Variants in LHFPL3 observed in about 807,000 individuals in gnomAD.
The protein encoded by LHFPL3 is LHFPL tetraspan subfamily member 3 protein.
Under a neutral mutation model 19.3 loss-of-function variants are expected in LHFPL3, and 5 were observed. The observed-to-expected ratio is 0.26, with a 90% CI of 0.14 to 0.54. The LOEUF (loss-of-function observed/expected upper bound fraction) is 0.54. Among genes scored for constraint, LHFPL3 ranks in the 20% least tolerant of loss-of-function variants. LHFPL3 has a pLI of 0.94. For missense variants in LHFPL3, 249 were observed against 307.4 expected (o/e 0.81, Z 1.42); for synonymous variants, 133 against 126.2 (o/e 1.05, Z -0.36).
At chr7:104,668,128 C>T (rs1362139099) in intron 1 of LHFPL3, 2 of 1,613,874 alleles carry the variant, frequency 1.2e-6, no homozygotes, top group African/African-American at 2.7e-5. Context: ...GTGCGTTTAC[C>T]ACGTGAACCC....
rs6957023 is a variant in LHFPL3, at chr7:104,578,595, T to G, written c.446-158080T>G. On this transcript the variant is annotated intron_variant, in intron 1 of 2. Transcript: ENST00000424859. ...TATTTTATATTGGGATCTCCTGTGT[T>G]GTACTCTTGACCTTGCTTCAGCTTT... 4.7e-3 allele frequency among the ~76,000 whole-genome samples: 719 copies of G among 152,346 alleles called. 5 individuals carry two copies. Among genetic ancestry groups the G allele is most frequent in the African/African-American group, 0.017 (690 of 41,574 alleles).
chr7:104,861,183 G>A (rs1362761470), intron 2 of LHFPL3, among the ~76,000 whole-genome samples: 1 of 152,150 alleles, frequency 6.6e-6, no homozygotes, highest in Non-Finnish European at 1.5e-5. Flanking sequence ...GTGGGGAAAA[G>A]GAGAAGAAAG....
In LHFPL3 at chr7:104,624,620, G is replaced by C. The variant is rs74493199; in HGVS notation, c.446-112055G>C. Among the ~76,000 whole-genome samples, 612 of 152,348 alleles carry C rather than the reference G, an allele frequency of 4.0e-3. 35 individuals are homozygous for C. In the East Asian group the frequency reaches 0.099, roughly 25 times the overall value. On this transcript the variant is annotated intron_variant, in intron 1 of 2. Transcript: ENST00000424859. ...TTCTTAGATATAGCTCATGGGTAAG[G>C]AGGGTAATTATTTTGAACTATTATT...
At chr7:104,471,423 G>A (rs965320856) in intron 1 of LHFPL3, among the ~76,000 whole-genome samples, 1 of 152,166 alleles carries the variant, frequency 6.6e-6, no homozygotes, top group African/African-American at 2.4e-5. Flanking sequence ...GCTAACTATA[G>A]TTCTCATATA....
chr7:104,504,235 T>C (rs1005341464), intron 1 of LHFPL3, among the ~76,000 whole-genome samples: 13 of 152,232 alleles, frequency 8.5e-5, no homozygotes, highest in South Asian at 2.1e-4. Context: ...CAAACTACAA[T>C]GGAAGGAGTT....
chr7:104,406,102 A>G (rs2116502435), intron 1 of LHFPL3, among the ~76,000 whole-genome samples: 1 of 152,210 alleles, frequency 6.6e-6, no homozygotes, highest in East Asian at 1.9e-4. Flanking sequence ...CTGTCAAATC[A>G]TAGTCGCTTC....
chr7:104,485,498 AC>A (rs138226201), intron 1 of LHFPL3, among the ~76,000 whole-genome samples: 13,624 of 152,162 alleles, frequency 0.09, 721 homozygotes, highest in Middle Eastern at 0.16. Context: ...TACTTTGTGC[AC>A]CTTTTATCAT....
intron 1 of LHFPL3, among the ~76,000 whole-genome samples, chr7:104,385,321 C>G (rs1005189937): frequency 6.6e-6 from 1 of 152,180 alleles, no homozygotes; most frequent in Admixed American, 6.5e-5. Context: ...ATGCACTAGT[C>G]TTGGCAATAC....
chr7:104,677,643 G>A (rs1041533940), intron 1 of LHFPL3, among the ~76,000 whole-genome samples: 1 of 152,154 alleles, frequency 6.6e-6, no homozygotes, highest in Non-Finnish European at 1.5e-5. Context: ...AACATTCTAG[G>A]GCAGTCCTGT....
chr7:104,372,390 G>A (rs192738363), intron 1 of LHFPL3, among the ~76,000 whole-genome samples: 1 of 152,248 alleles, frequency 6.6e-6, no homozygotes, highest in East Asian at 1.9e-4. Context: ...TATTAGTATG[G>A]TTCTTGATTG....
intron 1 of LHFPL3, among the ~76,000 whole-genome samples, chr7:104,361,633 A>G (rs1166669283): frequency 6.6e-6 from 1 of 152,234 alleles, no homozygotes; most frequent in Non-Finnish European, 1.5e-5. Context: ...CTACATAAAT[A>G]TAAGACATTA....
chr7:104,618,910 T>C (rs1369237081), intron 1 of LHFPL3, among the ~76,000 whole-genome samples: 3 of 152,224 alleles, frequency 2.0e-5, no homozygotes. Flanking sequence ...CCCTCTGCAC[T>C]AATGGAATGG....
At chr7:104,881,169 CAA>C (rs60361178) in intron 2 of LHFPL3, among the ~76,000 whole-genome samples, 169 of 91,482 alleles carry the variant, frequency 1.8e-3, no homozygotes, top group African/African-American at 2.1e-3. Context: ...GATTCCATCT[CAA>C]AAAAAAAAAA....
rs1562950473 is a variant in LHFPL3, at chr7:104,614,684, T to TTCCTTCCTTCCTTCCTTCC, written c.446-121990_446-121989insCCTTCCTTCCTTCCTTCCT. ...CCTTCCTTCCTTCCTTCCTTCCTTC[T>TTCCTTCCTTCCTTCCTTCC]TTCTTTCTTTCTTTCTTTCTTTCTT... On this transcript the variant is annotated intron_variant, in intron 1 of 2. Transcript: ENST00000424859. 2.4e-3 allele frequency among the ~76,000 whole-genome samples: 100 copies of TTCCTTCCTTCCTTCCTTCC among 41,902 alleles called. 1 individual carries two copies. The highest frequency in any genetic ancestry group is 6.2e-3 in the African/African-American group (67 of 10,798). The allele number at this position is 41,902 out of a possible 152,430, so 27.5% of individuals were successfully genotyped here.
At chr7:104,894,196 A>G (rs569902374) in intron 2 of LHFPL3, among the ~76,000 whole-genome samples, 4 of 152,346 alleles carry the variant, frequency 2.6e-5, no homozygotes, top group African/African-American at 9.6e-5. Flanking sequence ...AGTCCTAATC[A>G]GTGAGTTACT....
At chr7:104,803,246 G>T (rs1790289322) in intron 2 of LHFPL3, among the ~76,000 whole-genome samples, 1 of 152,100 alleles carries the variant, frequency 6.6e-6, no homozygotes, top group South Asian at 2.1e-4. Context: ...GAACCCTTTT[G>T]TTCCCTTTAC....
chr7:104,804,127 C>G (rs1273724643), intron 2 of LHFPL3: 1 of 152,200 alleles, frequency 6.6e-6, no homozygotes, highest in Non-Finnish European at 1.5e-5. Context: ...AAAAATAGAG[C>G]ATATCTTTCC....
intron 1 of LHFPL3, among the ~76,000 whole-genome samples, chr7:104,550,665 G>T (rs1794647416): frequency 6.6e-6 from 1 of 152,122 alleles, no homozygotes; most frequent in Admixed American, 6.6e-5. Context: ...AGTCAATTGC[G>T]CATGTTAGGA....
At chr7:104,889,314 T>C (rs1792204204) in intron 2 of LHFPL3, among the ~76,000 whole-genome samples, 1 of 152,182 alleles carries the variant, frequency 6.6e-6, no homozygotes, top group East Asian at 1.9e-4. Context: ...TATAAGATCA[T>C]TTGTATGGTC....
Sources: allele counts gnomAD v4.1 joint callset (sites outside exome capture counted in the v4.1 genomes callset), GRCh38; gene constraint gnomAD v4.1.1; transcripts MANE v1.5; gene names NCBI Gene and HGNC (gene_info 2026-07-23, HGNC 2026-07-21).